Variants in CADM2 observed in about 807,000 individuals in gnomAD.
CADM2 encodes the protein immunoglobulin superfamily member 4D.
CADM2 carries 12 observed loss-of-function variants against 49.8 expected under a neutral mutation model. The observed-to-expected ratio is 0.24, with a 90% CI of 0.15 to 0.39. The LOEUF (loss-of-function observed/expected upper bound fraction) is 0.39, where lower values mean the gene tolerates loss of function less well. Ranked by LOEUF, CADM2 falls within the 10% of genes least tolerant of loss-of-function variation. The pLI is 1.00. For missense variants in CADM2, 378 were observed against 492.3 expected, an observed-to-expected ratio of 0.77 and a Z score of 2.20; for synonymous variants, 214 against 175.4, an observed-to-expected ratio of 1.22 and a Z score of -1.74.
At chr3:85,273,436 A>T (rs2043288068) in intron 1 of CADM2, among the ~76,000 whole-genome samples, 2 of 151,402 alleles carry the variant, frequency 1.3e-5, no homozygotes, top group African/African-American at 4.8e-5. Context: ...TGGCAATTTT[A>T]GGGAAAGATG....
At position 86,012,549 on chromosome 3, in the gene CADM2, G is replaced by T. The variant is rs1055191350; in HGVS notation, c.970+50902G>T. 13 of 1,466,678 alleles carry T rather than the reference G, an allele frequency of 8.9e-6. No individual in the cohort carries two copies. In the South Asian group the frequency reaches 1.5e-4, roughly 17 times the overall value. The allele number at this position is 1,466,678 out of a possible 1,614,324, so 90.9% of individuals were successfully genotyped here. A position where few individuals can be genotyped will look rare whatever the true frequency, so the allele number is the denominator to read the frequency against. ...GGAGCGGAGGGCTGGGCCAGCCAGC[G>T]GGCGGGCGAAGATGCCGAACTTCTG... On this transcript the variant is annotated intron_variant, in intron 8 of 9. Coordinates refer to ENST00000383699, the MANE Select transcript of CADM2 (RefSeq NM_001167675.2).
intron 1 of CADM2, among the ~76,000 whole-genome samples, chr3:85,154,586 G>A (rs1261462970): frequency 6.6e-6 from 1 of 151,454 alleles, no homozygotes; most frequent in Non-Finnish European, 1.5e-5. Context: ...GAAATACAGA[G>A]AACCCCACAA....
chr3:85,078,586 C>G (rs2037039457), intron 1 of CADM2, among the ~76,000 whole-genome samples: 1 of 151,800 alleles, frequency 6.6e-6, no homozygotes, highest in African/African-American at 2.4e-5. Flanking sequence ...CTTATCTGCA[C>G]AAAGCCCAGA....
At chr3:85,408,637 CCT>C (rs1576499817) in intron 1 of CADM2, among the ~76,000 whole-genome samples, 1 of 152,156 alleles carries the variant, frequency 6.6e-6, no homozygotes, top group East Asian at 1.9e-4. Flanking sequence ...CAGAGATATC[CCT>C]CTTATTCTGA....
At chr3:85,672,875 T>C (rs1299108139) in intron 1 of CADM2, among the ~76,000 whole-genome samples, 2 of 152,188 alleles carry the variant, frequency 1.3e-5, no homozygotes, top group African/African-American at 4.8e-5. Flanking sequence ...TGAATCTGAT[T>C]TTGCAAGTAA....
rs1287785278 is a variant in CADM2, at chr3:84,959,103, TC to T, written c.-503del. The T allele has an allele frequency of 5.1e-6, 1 of 194,448 alleles. No homozygotes were observed. Among genetic ancestry groups the T allele is most frequent in the East Asian group, 1.8e-4 (1 of 5,532 alleles). 12.0% of individuals were successfully genotyped at this position (194,448 alleles called of 1,614,324 possible). On this transcript the variant is annotated 5_prime_UTR_variant, in exon 1 of 10. Transcript: ENST00000383699. The stretch of plus-strand genomic sequence containing the variant: ...CGCTGCTACCGCCACTAGCGCTGCT[TC>T]CACTGCTTCTACCTCCCCTCCCAGG...
At chr3:85,563,121 A>G (rs1416718852) in intron 1 of CADM2, among the ~76,000 whole-genome samples, 1 of 152,130 alleles carries the variant, frequency 6.6e-6, no homozygotes, top group Non-Finnish European at 1.5e-5. Flanking sequence ...CTGGAGTGTA[A>G]AAGTCACCTG....
chr3:85,323,031 T>G (rs2044657526), intron 1 of CADM2, among the ~76,000 whole-genome samples: 1 of 152,236 alleles, frequency 6.6e-6, no homozygotes, highest in Admixed American at 6.5e-5. Flanking sequence ...TATGTCTTAC[T>G]CATTTTAACA....
intron 7 of CADM2, among the ~76,000 whole-genome samples, chr3:85,948,699 T>A (rs1723038302): frequency 6.6e-6 from 1 of 151,100 alleles, no homozygotes; most frequent in Admixed American, 6.6e-5. Context: ...AGCTTCTAAA[T>A]TTCAAAGCTA....
chr3:85,211,189 CTT>C (rs1050122169), intron 1 of CADM2, among the ~76,000 whole-genome samples: 2 of 151,960 alleles, frequency 1.3e-5, no homozygotes, highest in African/African-American at 2.4e-5. Flanking sequence ...CTCTCTCTCT[CTT>C]CTTAGCCTGG....
chr3:85,742,291 T>A (rs908464187), intron 2 of CADM2, among the ~76,000 whole-genome samples: 4 of 152,206 alleles, frequency 2.6e-5, no homozygotes, highest in Non-Finnish European at 5.9e-5. Flanking sequence ...ATTCACCTGA[T>A]GAAGCATGTT....
chr3:85,065,955 A>G (rs1462735288), intron 1 of CADM2, among the ~76,000 whole-genome samples: 1 of 152,178 alleles, frequency 6.6e-6, no homozygotes, highest in African/African-American at 2.4e-5. Context: ...GGAGTTGGTA[A>G]ATATGCAATT....
intron 1 of CADM2, among the ~76,000 whole-genome samples, chr3:85,269,421 GTAAAT>G: frequency 6.6e-6 from 1 of 151,346 alleles, no homozygotes; most frequent in South Asian, 2.1e-4. Flanking sequence ...ACCCCAAAAA[GTAAAT>G]TAATTAATCA....
rs375484429 is a variant in CADM2, at chr3:85,850,697, G to A, written c.239-32594G>A. Among the ~76,000 whole-genome samples the A allele has an allele frequency of 4.8e-3, 738 of 152,214 alleles. 3 individuals carry two copies. Among genetic ancestry groups the A allele is most frequent in the Non-Finnish European group, 7.6e-3 (517 of 68,004 alleles). On this transcript the variant is annotated intron_variant, in intron 3 of 9. Transcript: ENST00000383699. The stretch of plus-strand genomic sequence containing the variant: ...TATTCTGTACTCTATGCCTGTGTGT[G>A]GGTATCTGTTATCTCTGAGTTATTC...
intron 3 of CADM2, among the ~76,000 whole-genome samples, chr3:85,807,269 C>G (rs1309246867): frequency 6.6e-6 from 1 of 152,074 alleles, no homozygotes; most frequent in Non-Finnish European, 1.5e-5. Context: ...GAGGCTGTGG[C>G]AGGCGGATCA....
intron 1 of CADM2, among the ~76,000 whole-genome samples, chr3:85,048,584 T>G (rs73843271): frequency 0.02 from 3,062 of 152,240 alleles, 87 homozygotes; most frequent in African/African-American, 0.068. Context: ...GGACTTAAAT[T>G]AGGACAATTT....
At chr3:85,232,008 C>T (rs1366775295) in intron 1 of CADM2, among the ~76,000 whole-genome samples, 2 of 151,872 alleles carry the variant, frequency 1.3e-5, no homozygotes, top group East Asian at 3.9e-4. Flanking sequence ...AGCCATTGGG[C>T]CTGGCCTCAA....
At chr3:86,063,537 A>G (rs1473016271) in intron 8 of CADM2, among the ~76,000 whole-genome samples, 1 of 152,190 alleles carries the variant, frequency 6.6e-6, no homozygotes, top group East Asian at 1.9e-4. Flanking sequence ...TCCATGACAT[A>G]TTTGAAGTAG....
chr3:85,614,509 C>T (rs1035100548), intron 1 of CADM2, among the ~76,000 whole-genome samples: 7 of 151,662 alleles, frequency 4.6e-5, no homozygotes, highest in African/African-American at 1.5e-4. Context: ...AGTTGGTCGG[C>T]CAAATAACGA....
Sources: gnomAD v4.1 joint callset for allele counts (sites outside exome capture counted in the v4.1 genomes callset) on GRCh38, gnomAD v4.1.1 for gene constraint, MANE v1.5 for transcripts, NCBI Gene and HGNC (gene_info 2026-07-23, HGNC 2026-07-21) for gene names.